The following PLXNA4 variants were observed in gnomAD, a reference collection of about 807,000 sequenced individuals.
The protein encoded by PLXNA4 is plexin A4.
In PLXNA4, 44 loss-of-function variants were observed where a neutral mutation model predicts 191.8. The observed-to-expected ratio is 0.23, with a 90% CI of 0.18 to 0.29. The LOEUF (loss-of-function observed/expected upper bound fraction) is 0.29. PLXNA4 is among the 10% of genes least tolerant of loss of function. The pLI is 1.00. For missense variants in PLXNA4, 1,800 were observed against 2,488.8 expected (o/e 0.72, Z 5.89); for synonymous variants, 1,082 against 1,009.5 (o/e 1.07, Z -1.36).
Position 132,277,096 on chromosome 7 carries a change from G to GC in PLXNA4, c.1503+20994dup, listed in dbSNP as rs1384221325. On this transcript the variant is annotated intron_variant, in intron 4 of 31. Transcript: ENST00000321063. ...AAGCAGGAGAGGAAGGAGTCACTTG[G>GC]CCCCTTTTTCTTAGAAGGCAAACAT... Among the ~76,000 whole-genome samples, 3 of 152,140 alleles carry GC rather than the reference G, an allele frequency of 2.0e-5. No individual in the cohort carries two copies. In the East Asian group the frequency reaches 5.8e-4, roughly 29 times the overall value.
intron 3 of PLXNA4, among the ~76,000 whole-genome samples, chr7:132,330,138 A>T (rs1585000082): frequency 6.6e-6 from 1 of 152,226 alleles, no homozygotes; most frequent in East Asian, 1.9e-4. Flanking sequence ...AGAGAGAGGG[A>T]ACAGACTAGT....
chr7:132,348,696 A>G (rs1409799282), intron 3 of PLXNA4, among the ~76,000 whole-genome samples: 1 of 152,188 alleles, frequency 6.6e-6, no homozygotes, highest in African/African-American at 2.4e-5. Flanking sequence ...GCCCGAAATT[A>G]GGGTGGGGGC....
At chr7:132,179,162 CACAG>C (rs1334655041) in intron 20 of PLXNA4, among the ~76,000 whole-genome samples, 1 of 149,614 alleles carries the variant, frequency 6.7e-6, no homozygotes, top group Non-Finnish European at 1.5e-5. Context: ...CACACACACA[CACAG>C]CCTCCAGCAC....
intron 4 of PLXNA4, among the ~76,000 whole-genome samples, chr7:132,245,896 G>A (rs1390814205): frequency 1.3e-5 from 2 of 152,188 alleles, no homozygotes; most frequent in East Asian, 3.9e-4. Context: ...GATTCATAGT[G>A]ACAGAAAGTA....
At chr7:132,459,919 C>T (rs1044993488) in intron 3 of PLXNA4, among the ~76,000 whole-genome samples, 1 of 151,910 alleles carries the variant, frequency 6.6e-6, no homozygotes, top group Non-Finnish European at 1.5e-5. Flanking sequence ...ACAAGAGTGC[C>T]CCCACCCCGC....
At chr7:132,501,095 C>T (rs200964864) in intron 2 of PLXNA4, among the ~76,000 whole-genome samples, 4 of 151,700 alleles carry the variant, frequency 2.6e-5, no homozygotes, top group Non-Finnish European at 5.9e-5. Context: ...CTGCATGAGG[C>T]GTGTGTGTGT....
chr7:132,179,759 C>A lies in PLXNA4; in HGVS notation c.3802G>T (p.Asp1268Tyr), dbSNP rs776432034. Residue 1268 changes from aspartate to tyrosine, a missense_variant, in exon 20 of 32, where the codon GAC (aspartate) becomes TAC (tyrosine). Physicochemically the swap from Asp to Tyr is radical, Grantham distance 160. Around this residue, in one of 6 missense-constraint regions of PLXNA4, gnomAD observed 1,397 missense variants for 1,880.4 expected, o/e 0.74. Transcript: ENST00000321063. ...IAYKRKSRES[D>Y]LTLKRLQMQM... ...ATCTGCAGCCGCTTCAGCGTGAGGT[C>A]ACTTTCGCGGGACTTGCGTTTATAG... is the stretch of plus-strand genomic sequence containing the variant. 6.2e-7 allele frequency: 1 copy of A among 1,614,180 alleles called. No homozygotes were observed. Among genetic ancestry groups the A allele is most frequent in the African/African-American group, 1.3e-5 (1 of 75,054 alleles).
chr7:132,453,301 A>C (rs887036622), intron 3 of PLXNA4, among the ~76,000 whole-genome samples: 10 of 152,174 alleles, frequency 6.6e-5, no homozygotes, highest in Non-Finnish European at 1.3e-4. Flanking sequence ...CAGACCCCAC[A>C]CAGGGACTCA....
At chr7:132,417,944 T>C (rs1794716241) in intron 3 of PLXNA4, among the ~76,000 whole-genome samples, 1 of 152,246 alleles carries the variant, frequency 6.6e-6, no homozygotes, top group Admixed American at 6.5e-5. Flanking sequence ...AAAGACTCTC[T>C]TCTTAGGTCA....
chr7:132,521,313 C>T (rs963700845), intron 1 of PLXNA4, among the ~76,000 whole-genome samples: 1 of 151,748 alleles, frequency 6.6e-6, no homozygotes, highest in Non-Finnish European at 1.5e-5. Flanking sequence ...TAATCTCTAT[C>T]ACCATGACAA....
chr7:132,507,950 A>C lies in PLXNA4; in HGVS notation c.744T>G (p.Phe248Leu). The change falls in exon 2 of 32, where the codon TTT becomes TTG. Residue 248 changes from phenylalanine to leucine, a missense_variant. By Grantham distance (22) the Phe-to-Leu change is conservative (BLOSUM62 0). Transcript: ENST00000321063. Reference sequence around the variant, plus strand: ...AAAAGTAGACAAAGTTGCCACTGCTAAAACCATAGACATAGTAGATATCAA... The same window carrying C: ...AAAAGTAGACAAAGTTGCCACTGCTCAAACCATAGACATAGTAGATATCAA... ...PDFDIYYVYG[F>L]SSGNFVYFLT... The C allele has an allele frequency of 6.2e-7, 1 of 1,614,182 alleles. No individual in the cohort carries two copies. The highest frequency in any genetic ancestry group is 8.5e-7 in the Non-Finnish European group (1 of 1,180,042).
chr7:132,170,633 G>A (rs534060130), intron 21 of PLXNA4, among the ~76,000 whole-genome samples: 16 of 152,344 alleles, frequency 1.1e-4, no homozygotes, highest in African/African-American at 3.4e-4. Context: ...GCCGGGTTCA[G>A]TCAGATCCAG....
intron 1 of PLXNA4, among the ~76,000 whole-genome samples, chr7:132,549,553 C>T (rs1800463322): frequency 6.6e-6 from 1 of 152,146 alleles, no homozygotes. Flanking sequence ...AAGCTGGAAC[C>T]ATCAATGCAG....
intron 4 of PLXNA4, among the ~76,000 whole-genome samples, chr7:132,274,216 G>C (rs1421087444): frequency 2.6e-5 from 4 of 151,948 alleles, no homozygotes; most frequent in Non-Finnish European, 4.4e-5. Context: ...GAATTGTGGA[G>C]AGTGATGGCA....
chr7:132,131,612 C>CCAAG (rs1794929009), intron 31 of PLXNA4, among the ~76,000 whole-genome samples: 1 of 152,204 alleles, frequency 6.6e-6, no homozygotes, highest in Non-Finnish European at 1.5e-5. Context: ...ATAGAGCTGG[C>CCAAG]CAAGAACTGT....
intron 1 of PLXNA4, among the ~76,000 whole-genome samples, chr7:132,545,749 A>G (rs1021183829): frequency 1.3e-5 from 2 of 152,216 alleles, no homozygotes; most frequent in Non-Finnish European, 2.9e-5. Flanking sequence ...GGTGTTAAGA[A>G]GTGTAATAGG....
At chr7:132,296,694 A>ATGAT (rs1412580531) in intron 4 of PLXNA4, among the ~76,000 whole-genome samples, 1 of 152,110 alleles carries the variant, frequency 6.6e-6, no homozygotes, top group Non-Finnish European at 1.5e-5. Flanking sequence ...TCTTCTCCAG[A>ATGAT]TGATTCATGC....
At chr7:132,549,127 C>G (rs565672428) in intron 1 of PLXNA4, among the ~76,000 whole-genome samples, 34 of 152,304 alleles carry the variant, frequency 2.2e-4, no homozygotes, top group African/African-American at 8.2e-4. Flanking sequence ...TAAGTATACT[C>G]CATCAAGCAG....
At chr7:132,224,370 C>T (rs1798244709) in intron 8 of PLXNA4, among the ~76,000 whole-genome samples, 1 of 152,058 alleles carries the variant, frequency 6.6e-6, no homozygotes, top group Admixed American at 6.5e-5. Context: ...ACCTGCTTGA[C>T]CAAGGAAGAG....
Sources: gnomAD v4.1 joint callset for allele counts (sites outside exome capture counted in the v4.1 genomes callset) on GRCh38, gnomAD v4.1.1 for gene constraint, gnomAD v4.1.1 regional missense constraint, MANE v1.5 for transcripts, NCBI Gene and HGNC (gene_info 2026-07-23, HGNC 2026-07-21) for gene names.